SLC25A13: variants seen among roughly 807,000 people sequenced by gnomAD.
The protein encoded by SLC25A13 is solute carrier family 25 member 13.
A neutral mutation model predicts 85.5 loss-of-function variants in SLC25A13; 70 were observed. The ratio of observed to expected loss-of-function variants is 0.82; its 90% CI spans 0.68 to 1.00. The LOEUF is 1.00. Ranked by LOEUF, SLC25A13 falls within the 50% of genes least tolerant of loss-of-function variation. The pLI is 0.00. For synonymous variants in SLC25A13, 259 were observed against 288.7 expected (o/e 0.90, Z 1.04); for missense variants, 765 against 819.8 (o/e 0.93, Z 0.82).
At chr7:96,190,025 T>C (rs1009557912) in intron 7 of SLC25A13, among the ~76,000 whole-genome samples, 2 of 151,994 alleles carry the variant, frequency 1.3e-5, no homozygotes, top group African/African-American at 4.8e-5. Context: ...GGATTATTAA[T>C]TATATTAATT....
intron 3 of SLC25A13, among the ~76,000 whole-genome samples, chr7:96,261,263 C>T (rs34869980): frequency 6.6e-6 from 1 of 152,076 alleles, no homozygotes; most frequent in African/African-American, 2.4e-5. Flanking sequence ...CTATATATAT[C>T]TTTTGTTTAC....
chr7:96,146,667 A>G lies in SLC25A13; in HGVS notation c.1341T>C (p.Asn447=), dbSNP rs936911753. The G allele has an allele frequency of 6.2e-7, 1 of 1,614,126 alleles. No homozygotes were observed. The highest frequency in any genetic ancestry group is 8.5e-7 in the Non-Finnish European group (1 of 1,179,996). ...CAGGSQVIFT[N]PLEIVKIRLQ... ...AACGGATCTTGACGATTTCTAAAGG[A>G]TTTGTGAAAATCACCTGGGAGCCTC... The change falls in exon 14 of 18, where the codon AAT becomes AAC. Residue 447 remains asparagine, a synonymous_variant. Transcript: ENST00000265631.
At chr7:96,191,876 A>G (rs1199278875) in intron 6 of SLC25A13, among the ~76,000 whole-genome samples, 1 of 152,190 alleles carries the variant, frequency 6.6e-6, no homozygotes, top group African/African-American at 2.4e-5. Context: ...AATTTTTAAG[A>G]AACCATATTT....
chr7:96,278,448 G>C (rs79206002), intron 2 of SLC25A13, among the ~76,000 whole-genome samples: 1,675 of 152,310 alleles, frequency 0.011, 29 homozygotes, highest in African/African-American at 0.039. Context: ...TGCAGACTAA[G>C]GCTTTGCTCA....
chr7:96,184,955 G>A lies in SLC25A13; in HGVS notation c.990C>T (p.Tyr330=), dbSNP rs534585904. 2.5e-6 allele frequency: 4 copies of A among 1,614,184 alleles called. No homozygotes were observed. The highest frequency in any genetic ancestry group is 3.4e-6 in the Non-Finnish European group (4 of 1,180,028). Residue 330 remains tyrosine (Y), a synonymous_variant, in exon 10 of 18, where the codon TAC becomes TAT. Coordinates refer to ENST00000265631, the MANE Select transcript of SLC25A13 (RefSeq NM_014251.3). The part of the protein sequence containing the change: ...PVLLQVAESA[Y]RFGLGSVAGA... Reference sequence around the variant, plus strand: ...CAGCAACAGAACCCAGACCAAACCTGTAGGCCGACTCTGCAACTTGTAGAA... The same window carrying A: ...CAGCAACAGAACCCAGACCAAACCTATAGGCCGACTCTGCAACTTGTAGAA...
At chr7:96,190,281 C>T (rs35081196) in intron 7 of SLC25A13, among the ~76,000 whole-genome samples, 82,736 of 151,610 alleles carry the variant, frequency 0.55, 23,849 homozygotes, top group Non-Finnish European at 0.64. Context: ...TTAGTAGAGA[C>T]GGGGTTTCAC....
intron 11 of SLC25A13, among the ~76,000 whole-genome samples, chr7:96,175,953 C>T: frequency 6.6e-6 from 1 of 152,188 alleles, no homozygotes; most frequent in East Asian, 1.9e-4. Flanking sequence ...CTTGTAGTGA[C>T]TACCTTGTCT....
chr7:96,300,294 A>G (rs978950436), intron 1 of SLC25A13, among the ~76,000 whole-genome samples: 1 of 152,076 alleles, frequency 6.6e-6, no homozygotes, highest in African/African-American at 2.4e-5. Flanking sequence ...TCAAATAGGG[A>G]GCAGGACCAA....
chr7:96,228,925 G>A (rs371073706), intron 4 of SLC25A13, among the ~76,000 whole-genome samples: 5 of 152,268 alleles, frequency 3.3e-5, no homozygotes, highest in East Asian at 1.9e-4. Context: ...AATTCTCACC[G>A]GGCCTCAGCT....
chr7:96,302,403 C>A (rs2117006991), intron 1 of SLC25A13, among the ~76,000 whole-genome samples: 1 of 152,214 alleles, frequency 6.6e-6, no homozygotes, highest in East Asian at 1.9e-4. Flanking sequence ...CAGTTGCAGG[C>A]TCATTACTTT....
chr7:96,165,552 G>A (rs1793707255), intron 13 of SLC25A13, among the ~76,000 whole-genome samples: 1 of 152,176 alleles, frequency 6.6e-6, no homozygotes, highest in Non-Finnish European at 1.5e-5. Context: ...CAAAGCACAT[G>A]AGTTGCACTA....
chr7:96,263,769 C>T (rs1797943888), intron 3 of SLC25A13, among the ~76,000 whole-genome samples: 4 of 152,150 alleles, frequency 2.6e-5, no homozygotes, highest in African/African-American at 9.7e-5. Context: ...ATTAACTCAT[C>T]TCCTCCGATG....
intron 3 of SLC25A13, among the ~76,000 whole-genome samples, chr7:96,260,209 T>C (rs1212738673): frequency 1.3e-5 from 2 of 151,404 alleles, no homozygotes; most frequent in African/African-American, 4.9e-5. Context: ...ATAATAATAA[T>C]TAAAAAAGGG....
chr7:96,125,958 G>T (rs1305243328), intron 15 of SLC25A13, among the ~76,000 whole-genome samples: 1 of 151,998 alleles, frequency 6.6e-6, no homozygotes, highest in Non-Finnish European at 1.5e-5. Flanking sequence ...GTTCTTAAAA[G>T]TTGTCTTCTG....
At chr7:96,183,854 A>C (rs1309389330) in intron 11 of SLC25A13, among the ~76,000 whole-genome samples, 2 of 152,176 alleles carry the variant, frequency 1.3e-5, no homozygotes, top group East Asian at 3.9e-4. Flanking sequence ...TGAAGCAGCA[A>C]AAGAGAGCTC....
At chr7:96,219,599 G>A (rs139817514) in intron 4 of SLC25A13, 96 of 483,240 alleles carry the variant, frequency 2.0e-4, no homozygotes, top group African/African-American at 1.7e-3. Context: ...TTTGAAGTAG[G>A]AACTACATTC....
chr7:96,172,276 G>A (rs1041773328), intron 11 of SLC25A13, among the ~76,000 whole-genome samples: 1 of 152,100 alleles, frequency 6.6e-6, no homozygotes, highest in African/African-American at 2.4e-5. Flanking sequence ...AGATCAATGA[G>A]GCCAGGCACG....
intron 14 of SLC25A13, among the ~76,000 whole-genome samples, chr7:96,138,964 C>T (rs950741711): frequency 6.6e-6 from 1 of 152,140 alleles, no homozygotes; most frequent in South Asian, 2.1e-4. Context: ...GTTGACCACA[C>T]AGCATTGGAA....
chr7:96,220,558 A>G (rs911200678), intron 4 of SLC25A13, among the ~76,000 whole-genome samples: 1 of 152,198 alleles, frequency 6.6e-6, no homozygotes, highest in Non-Finnish European at 1.5e-5. Context: ...AAATTTTCCA[A>G]TTTAGAAAAA....
Sources: allele counts gnomAD v4.1 joint callset (sites outside exome capture counted in the v4.1 genomes callset), GRCh38; gene constraint gnomAD v4.1.1; transcripts MANE v1.5; gene names NCBI Gene and HGNC (gene_info 2026-07-23, HGNC 2026-07-21).